LOC128706665: variants seen among roughly 807,000 people sequenced by gnomAD.
At chr20:10,420,151 G>C in the LOC128706665 span, among the ~76,000 whole-genome samples, 1 of 151,924 alleles carries the variant, frequency 6.6e-6, no homozygotes, top group African/African-American at 2.4e-5. Flanking sequence ...GTTAAGAAAT[G>C]AATACAATTA....
At chr20:10,430,897 C>T in the LOC128706665 span, among the ~76,000 whole-genome samples, 1 of 152,218 alleles carries the variant, frequency 6.6e-6, no homozygotes, top group South Asian at 2.1e-4. Context: ...TTCAGACACG[C>T]TGTTGGTCTG....
chr20:10,415,689 T>C, the LOC128706665 span, among the ~76,000 whole-genome samples: 1 of 152,250 alleles, frequency 6.6e-6, no homozygotes, highest in African/African-American at 2.4e-5. Flanking sequence ...CGTTAAAACT[T>C]ACATACACAC....
chr20:10,414,147 C>G, the LOC128706665 span, among the ~76,000 whole-genome samples: 4 of 152,044 alleles, frequency 2.6e-5, no homozygotes, highest in African/African-American at 9.7e-5. Flanking sequence ...GCTTGTATTT[C>G]AGTGATTCTG....
chr20:10,415,632 A>G, the LOC128706665 span, among the ~76,000 whole-genome samples: 5 of 152,272 alleles, frequency 3.3e-5, no homozygotes, highest in Admixed American at 1.3e-4. Context: ...TCTGAGAAAT[A>G]CATTTAAATG....
At chr20:10,416,905 C>T in the LOC128706665 span, among the ~76,000 whole-genome samples, 1 of 152,098 alleles carries the variant, frequency 6.6e-6, no homozygotes, top group Non-Finnish European at 1.5e-5. Context: ...TACACTACAA[C>T]AGAAAGCTGA....
chr20:10,417,470 G>T, the LOC128706665 span, among the ~76,000 whole-genome samples: 1 of 152,172 alleles, frequency 6.6e-6, no homozygotes, highest in African/African-American at 2.4e-5. Flanking sequence ...ACTTAGCCAG[G>T]TGTGGTGGCG....
the LOC128706665 span, among the ~76,000 whole-genome samples, chr20:10,420,341 G>A: frequency 6.6e-6 from 1 of 152,154 alleles, no homozygotes; most frequent in Non-Finnish European, 1.5e-5. Flanking sequence ...CCAGGCAAGT[G>A]TCAAATGTCT....
the LOC128706665 span, among the ~76,000 whole-genome samples, chr20:10,414,763 A>G: frequency 3.9e-5 from 6 of 152,186 alleles, no homozygotes; most frequent in African/African-American, 1.4e-4. Context: ...TCACTAATGT[A>G]TAGTCTATAT....
the LOC128706665 span, among the ~76,000 whole-genome samples, chr20:10,417,984 C>T: frequency 1.2e-3 from 185 of 152,284 alleles, 1 homozygote; most frequent in African/African-American, 4.3e-3. Flanking sequence ...ATACGTAGAC[C>T]TTGTTTGGAT....
At chr20:10,428,501 ACCT>A in the LOC128706665 span, among the ~76,000 whole-genome samples, 1 of 152,148 alleles carries the variant, frequency 6.6e-6, no homozygotes, top group Non-Finnish European at 1.5e-5. Context: ...AGGTATGAAC[ACCT>A]CTAACTTGTT....
chr20:10,427,079 C>CACACACAA, the LOC128706665 span, among the ~76,000 whole-genome samples: 5 of 137,358 alleles, frequency 3.6e-5, no homozygotes, highest in African/African-American at 1.3e-4. Flanking sequence ...CACACACACA[C>CACACACAA]AAAGTAAGGT....
the LOC128706665 span, chr20:10,420,868 C>G: frequency 6.6e-6 from 1 of 152,198 alleles, no homozygotes; most frequent in South Asian, 2.1e-4. Flanking sequence ...CAAATGCTGA[C>G]TGTTAAACAT....
chr20:10,414,076 TA>T, the LOC128706665 span: 1 of 368,588 alleles, frequency 2.7e-6, no homozygotes, highest in Non-Finnish European at 4.8e-6. Flanking sequence ...ATGAGAAAGG[TA>T]GACCAACTTT....
the LOC128706665 span, among the ~76,000 whole-genome samples, chr20:10,430,490 G>A: frequency 6.6e-6 from 1 of 152,170 alleles, no homozygotes; most frequent in Non-Finnish European, 1.5e-5. Context: ...AAACATTACT[G>A]GAATTAACCT....
At chr20:10,429,902 G>A in the LOC128706665 span, among the ~76,000 whole-genome samples, 1 of 152,092 alleles carries the variant, frequency 6.6e-6, no homozygotes, top group Non-Finnish European at 1.5e-5. Context: ...GAAACTCTAG[G>A]GTGGGGTCCA....
the LOC128706665 span, among the ~76,000 whole-genome samples, chr20:10,430,421 CTTTG>C: frequency 2.6e-5 from 3 of 113,768 alleles, no homozygotes; most frequent in Admixed American, 2.7e-4. Context: ...ATACTTGGCA[CTTTG>C]TCTGGGCTCA....
the LOC128706665 span, among the ~76,000 whole-genome samples, chr20:10,430,302 GGCTGTGT>G: frequency 6.6e-6 from 1 of 152,154 alleles, no homozygotes; most frequent in South Asian, 2.1e-4. Context: ...CTTTACAACT[GGCTGTGT>G]GGCCTTGGAT....
At chr20:10,421,409 T>G in the LOC128706665 span, among the ~76,000 whole-genome samples, 1 of 119,374 alleles carries the variant, frequency 8.4e-6, no homozygotes. Flanking sequence ...AGAATGAGAC[T>G]CCATCACAAA....
the LOC128706665 span, among the ~76,000 whole-genome samples, chr20:10,427,029 G>GACACACACACAGACACACACAC: frequency 3.0e-3 from 393 of 130,772 alleles, 9 homozygotes; most frequent in African/African-American, 7.8e-3. Flanking sequence ...AGAAAACACT[G>GACACACACACAGACACACACAC]ACACACACAC....
Sources: gnomAD v4.1 joint callset for allele counts (sites outside exome capture counted in the v4.1 genomes callset) on GRCh38, gnomAD v4.1.1 for gene constraint, MANE v1.5 for transcripts.